Variants in APPL1 observed in about 807,000 individuals in gnomAD.
APPL1 encodes the protein adaptor protein, phosphotyrosine interacting with PH domain and leucine zipper 1, also known as DCC-interacting protein 13-alpha.
In APPL1, 42 loss-of-function variants were observed where a neutral mutation model predicts 106.8. The observed-to-expected ratio is 0.39, with a 90% CI of 0.31 to 0.51. The LOEUF (loss-of-function observed/expected upper bound fraction) is 0.51. Ranked by LOEUF, APPL1 falls within the 20% of genes least tolerant of loss-of-function variation. APPL1 has a pLI of 0.75. For missense variants in APPL1, 769 were observed against 858.2 expected (o/e 0.90, Z 1.30); for synonymous variants, 263 against 281.8 (o/e 0.93, Z 0.67).
chr3:57,258,302 C>T (rs2060847935), intron 15 of APPL1, among the ~76,000 whole-genome samples: 1 of 152,158 alleles, frequency 6.6e-6, no homozygotes, highest in Admixed American at 6.5e-5. Context: ...GGACCACAGG[C>T]GTGCGCCACC....
intron 10 of APPL1, among the ~76,000 whole-genome samples, 167 bp from the exon 11 acceptor site, chr3:57,249,193 T>G (rs1047451706): frequency 6.6e-6 from 1 of 152,224 alleles, no homozygotes; most frequent in Non-Finnish European, 1.5e-5. Context: ...TGAGTCAACA[T>G]ACATGAATTT....
rs2060943871 is a variant in APPL1, at chr3:57,271,943, C to CTGTT, written c.*2258_*2261dup. The CTGTT allele has an allele frequency of 6.6e-6, 1 of 152,188 alleles. No individual in the cohort carries two copies. Among genetic ancestry groups the CTGTT allele is most frequent in the African/African-American group, 2.4e-5 (1 of 41,448 alleles). 9.4% of individuals were successfully genotyped at this position (152,188 alleles called of 1,614,324 possible). ...TCCATTACTGCAGAGATTTAAGTATCTGTTTTAATAAGCTCTTTTTGTTAT... is the reference window on the plus strand; with the variant it reads ...TCCATTACTGCAGAGATTTAAGTATCTGTTTGTTTTAATAAGCTCTTTTTGTTAT... On this transcript the variant is annotated 3_prime_UTR_variant, in exon 22 of 22. Coordinates refer to ENST00000288266, the MANE Select transcript of APPL1 (RefSeq NM_012096.3).
chr3:57,253,717 A>G lies in APPL1; in HGVS notation c.1131A>G (p.Ile377Met). The G allele has an allele frequency of 6.9e-7, 1 of 1,445,812 alleles. No homozygotes were observed. Among genetic ancestry groups the G allele is most frequent in the Non-Finnish European group, 9.2e-7 (1 of 1,090,328 alleles). 89.6% of individuals were successfully genotyped at this position (1,445,812 alleles called of 1,614,324 possible). A position where few individuals can be genotyped will look rare whatever the true frequency, so the allele number is the denominator to read the frequency against. Residue 377 changes from isoleucine to methionine, a missense_variant, in exon 13 of 22, where the codon ATA (isoleucine) becomes ATG (methionine). Coordinates refer to ENST00000288266, the MANE Select transcript of APPL1 (RefSeq NM_012096.3). The part of the protein sequence containing the change: ...ICTINNISKQ[I>M]YLSENPEETA... The stretch of plus-strand genomic sequence containing the variant: ...CAATAAACAACATATCTAAACAAAT[A>G]TACTTAAGTGAAAATCCAGAGGTAA...
rs1054127142 is a variant in APPL1, at chr3:57,228,138, G to A, written c.54+201G>A. ...AGGCCCGCGTGGGCCTGCTCGGCTG[G>A]GCCGAGGGCCGCAGGCGGAGACCGA... On this transcript the variant is annotated intron_variant, in intron 1 of 21. Coordinates refer to ENST00000288266, the MANE Select transcript of APPL1 (RefSeq NM_012096.3). The surrounding 1 kb of genome is among the most constrained non-coding windows in gnomAD (Gnocchi z 4.6). 2.0e-5 allele frequency among the ~76,000 whole-genome samples: 3 copies of A among 151,998 alleles called. No homozygotes were observed. The highest frequency in any genetic ancestry group is 7.2e-5 in the African/African-American group (3 of 41,416).
In APPL1 at chr3:57,228,880, G is replaced by A. The variant is rs938357355; in HGVS notation, c.54+943G>A. Among the ~76,000 whole-genome samples the A allele has an allele frequency of 6.6e-6, 1 of 152,210 alleles. No individual in the cohort carries two copies. The highest frequency in any genetic ancestry group is 2.4e-5 in the African/African-American group (1 of 41,446). On this transcript the variant is annotated intron_variant, in intron 1 of 21. Coordinates refer to ENST00000288266, the MANE Select transcript of APPL1 (RefSeq NM_012096.3). This position sits in a 1 kb window ranked among gnomAD's most constrained non-coding sequence, Gnocchi z 4.6. ...TCTGAATTGTTGCTGATTTAGAAAT[G>A]CAGTTGCACCATTTCGTGTGTCTTT...
chr3:57,232,315 G>C lies in APPL1; in HGVS notation c.55-3251G>C, dbSNP rs952286634. Among the ~76,000 whole-genome samples, 4 of 152,144 alleles carry C rather than the reference G, an allele frequency of 2.6e-5. No individual in the cohort carries two copies. The East Asian group carries it at 7.7e-4, about 29-fold the overall frequency. On this transcript the variant is annotated intron_variant, in intron 1 of 21. Transcript: ENST00000288266. ...TTCCTCCCAACATTTTGATGTCTCTGATTGGGATTCCTCTTAGAGTTGATG... is the reference window on the plus strand; with the variant it reads ...TTCCTCCCAACATTTTGATGTCTCTCATTGGGATTCCTCTTAGAGTTGATG...
At chr3:57,235,726 A>T in intron 2 of APPL1, 62 bp downstream of exon 2, 2 of 1,213,944 alleles carry the variant, frequency 1.6e-6, no homozygotes, top group Non-Finnish European at 1.2e-6. Context: ...TCATGAGGAC[A>T]GATAGTGTCT....
intron 8 of APPL1, among the ~76,000 whole-genome samples, chr3:57,247,129 A>C (rs1249846743): frequency 6.6e-6 from 1 of 152,218 alleles, no homozygotes; most frequent in Non-Finnish European, 1.5e-5. Context: ...TTATTTTCCA[A>C]TTTTAAAAGA....
At position 57,267,824 on chromosome 3, in the gene APPL1, G is replaced by T. The variant is rs113715051; in HGVS notation, c.1893+32G>T. 1.9e-6 allele frequency: 3 copies of T among 1,609,820 alleles called. No individual in the cohort carries two copies. The South Asian group carries it at 3.3e-5, about 18-fold the overall frequency. ...ATCCAAGATGTGGCTGGGCACAGTG[G>T]TTCACACCTGTAATCGCAGCACATT... On this transcript the variant is annotated intron_variant, in intron 20 of 21. Coordinates refer to ENST00000288266, the MANE Select transcript of APPL1 (RefSeq NM_012096.3).
At chr3:57,264,173 G>C (rs1487224562) in intron 19 of APPL1, among the ~76,000 whole-genome samples, 4 of 152,148 alleles carry the variant, frequency 2.6e-5, no homozygotes, top group Non-Finnish European at 5.9e-5. Flanking sequence ...TTTGCCATTT[G>C]TATGTCTTCT....
At chr3:57,256,032 T>C (rs993370374) in intron 13 of APPL1, among the ~76,000 whole-genome samples, 2 of 152,166 alleles carry the variant, frequency 1.3e-5, no homozygotes, top group African/African-American at 4.8e-5. Context: ...AAGTGCAAAA[T>C]TGTTATGTGA....
chr3:57,260,396 T>C (rs2060858815), intron 18 of APPL1: 1 of 550,808 alleles, frequency 1.8e-6, no homozygotes, highest in South Asian at 3.5e-5. Context: ...TTTGACTTTG[T>C]AAAATGTGTT....
At chr3:57,260,081 A>G in intron 17 of APPL1, 36 bp from the exon 18 acceptor site, 1 of 1,606,072 alleles carries the variant, frequency 6.2e-7, no homozygotes, top group Non-Finnish European at 8.5e-7. Context: ...CAGCCTAATT[A>G]AAATTTGTTT....
At chr3:57,262,224 T>G (rs1261627048) in intron 19 of APPL1, among the ~76,000 whole-genome samples, 2 of 152,032 alleles carry the variant, frequency 1.3e-5, no homozygotes, top group African/African-American at 4.8e-5. Flanking sequence ...TACTCTGTTA[T>G]TTCTTTGGCT....
chr3:57,265,358 C>A (rs1243528875), intron 19 of APPL1, among the ~76,000 whole-genome samples: 2 of 152,094 alleles, frequency 1.3e-5, no homozygotes, highest in African/African-American at 4.8e-5. Context: ...CCATATTGGC[C>A]AGGCTGGTCT....
At position 57,249,476 on chromosome 3, in the gene APPL1, A is replaced by G. The variant is rs1156905081; in HGVS notation, c.980A>G (p.Asn327Ser). ...VAGGLAMDID[N>S]CSVMAVDCED... ...GGAGGCCTGGCCATGGACATAGACA[A>G]CTGTTCAGTGATGGCTGTGGACTGT... Residue 327 changes from asparagine to serine, a missense_variant, in exon 11 of 22, where the codon AAC (asparagine) becomes AGC (serine). By Grantham distance (46) the Asn-to-Ser change is conservative. Transcript: ENST00000288266. 1.2e-6 allele frequency: 2 copies of G among 1,614,184 alleles called. No homozygotes were observed. Among genetic ancestry groups the G allele is most frequent in the Admixed American group, 3.3e-5 (2 of 60,020 alleles).
intron 1 of APPL1, among the ~76,000 whole-genome samples, chr3:57,230,506 T>G (rs1455278439): frequency 6.6e-6 from 1 of 152,222 alleles, no homozygotes; most frequent in East Asian, 1.9e-4. Context: ...ATCTTTATCC[T>G]GCTTTTAACT....
chr3:57,235,482 G>A (rs892949966), intron 1 of APPL1, 84 bp from the exon 2 acceptor site: 14 of 798,760 alleles, frequency 1.8e-5, no homozygotes, highest in Non-Finnish European at 2.6e-5. Flanking sequence ...AATATCCTAC[G>A]ATTTTTGCTT....
chr3:57,239,256 T>C (rs2060732663), intron 4 of APPL1, among the ~76,000 whole-genome samples: 1 of 152,112 alleles, frequency 6.6e-6, no homozygotes, highest in Admixed American at 6.5e-5. Context: ...GAGATTTGGG[T>C]GGGGACACAG....
Sources: gnomAD v4.1 joint callset for allele counts (sites outside exome capture counted in the v4.1 genomes callset) on GRCh38, gnomAD v4.1.1 for gene constraint, Gnocchi (gnomAD v3.1) non-coding constraint, MANE v1.5 for transcripts, NCBI Gene and HGNC (gene_info 2026-07-23, HGNC 2026-07-21) for gene names.